ZNF385B: variants seen among roughly 807,000 people sequenced by gnomAD.
The protein encoded by ZNF385B is zinc finger protein 533.
In ZNF385B, 23 loss-of-function variants were observed where a neutral mutation model predicts 39.2. The ratio of observed to expected loss-of-function variants is 0.59; its 90% CI spans 0.42 to 0.83. The LOEUF (loss-of-function observed/expected upper bound fraction) is 0.83, where lower values mean the gene tolerates loss of function less well. Ranked by LOEUF, ZNF385B falls within the 40% of genes least tolerant of loss-of-function variation. The pLI is 0.00. For missense variants in ZNF385B, 552 were observed against 598.9 expected (o/e 0.92, Z 0.82); for synonymous variants, 205 against 222.6 (o/e 0.92, Z 0.70).
chr2:179,478,225 C>A (rs1406694964), intron 6 of ZNF385B, among the ~76,000 whole-genome samples: 3 of 152,156 alleles, frequency 2.0e-5, no homozygotes, highest in African/African-American at 7.2e-5. Flanking sequence ...CATATTATTT[C>A]TCTTTAAATC....
At chr2:179,479,825 C>T (rs1347287410) in intron 6 of ZNF385B, among the ~76,000 whole-genome samples, 2 of 151,926 alleles carry the variant, frequency 1.3e-5, no homozygotes, top group Non-Finnish European at 2.9e-5. Flanking sequence ...GGCAACAGAG[C>T]GAGACTCTGT....
chr2:179,580,421 A>G (rs1343355733), intron 3 of ZNF385B, among the ~76,000 whole-genome samples: 1 of 152,182 alleles, frequency 6.6e-6, no homozygotes, highest in Non-Finnish European at 1.5e-5. Context: ...GGGTATCATA[A>G]TAAATGAAAG....
chr2:179,509,494 T>C (rs1488476517), intron 5 of ZNF385B, among the ~76,000 whole-genome samples: 3 of 152,296 alleles, frequency 2.0e-5, no homozygotes, highest in Admixed American at 6.5e-5. Context: ...AATTCTGTCA[T>C]ATTGAAGCAA....
intron 1 of ZNF385B, among the ~76,000 whole-genome samples, chr2:179,852,451 G>A (rs1208123340): frequency 1.3e-5 from 2 of 152,120 alleles, no homozygotes; most frequent in Non-Finnish European, 2.9e-5. Flanking sequence ...GCCAAAAATC[G>A]CTGGCTCCAG....
intron 3 of ZNF385B, among the ~76,000 whole-genome samples, chr2:179,605,398 A>G (rs766232189): frequency 1.3e-5 from 2 of 152,164 alleles, no homozygotes; most frequent in Non-Finnish European, 2.9e-5. Context: ...AAAAAACTGA[A>G]AATTGTATTA....
chr2:179,748,974 C>G (rs1482368917), intron 3 of ZNF385B, among the ~76,000 whole-genome samples: 1 of 152,020 alleles, frequency 6.6e-6, no homozygotes, highest in Non-Finnish European at 1.5e-5. Context: ...ATGTGTGGCT[C>G]TTAGTATCTA....
intron 3 of ZNF385B, among the ~76,000 whole-genome samples, chr2:179,659,605 A>C (rs1436217948): frequency 6.6e-6 from 1 of 152,110 alleles, no homozygotes. Context: ...TTGTTCCACT[A>C]CTTGAAACTA....
Position 179,442,704 on chromosome 2 carries a change from T to A in ZNF385B, c.*546A>T, listed in dbSNP as rs780638159. 3.8e-5 allele frequency: 7 copies of A among 185,178 alleles called. No individual in the cohort carries two copies. The highest frequency in any genetic ancestry group is 5.7e-5 in the Non-Finnish European group (5 of 87,334). 11.5% of individuals were successfully genotyped at this position (185,178 alleles called of 1,614,324 possible). ...GTACTTGGGTCGAAACAGTACACAATCCCTGTCAACAACAGTACACCAAAA... is the reference window on the plus strand; with the variant it reads ...GTACTTGGGTCGAAACAGTACACAAACCCTGTCAACAACAGTACACCAAAA... On this transcript the variant is annotated 3_prime_UTR_variant, in exon 10 of 10. Transcript: ENST00000410066.
chr2:179,514,224 T>G (rs998720195), intron 5 of ZNF385B: 1 of 152,680 alleles, frequency 6.5e-6, no homozygotes, highest in Admixed American at 6.5e-5. Context: ...CCACATTCCT[T>G]GGCTTGCGGC....
chr2:179,523,070 A>G (rs1415111500), intron 4 of ZNF385B: 1 of 252,372 alleles, frequency 4.0e-6, no homozygotes, highest in Non-Finnish European at 8.6e-6. Flanking sequence ...AACACTTGCC[A>G]CTTTTTCTAA....
intron 3 of ZNF385B, among the ~76,000 whole-genome samples, chr2:179,642,944 C>G (rs1692398066): frequency 6.6e-6 from 1 of 152,064 alleles, no homozygotes; most frequent in Admixed American, 6.6e-5. Flanking sequence ...TCATGACTGT[C>G]TCAACAAAAA....
chr2:179,814,801 C>T (rs746964120), intron 1 of ZNF385B: 2 of 166,330 alleles, frequency 1.2e-5, no homozygotes, highest in Non-Finnish European at 1.3e-5. Context: ...ATACAATTTA[C>T]TACATGGCCT....
chr2:179,832,170 T>C (rs1708022385), intron 1 of ZNF385B, among the ~76,000 whole-genome samples: 1 of 152,126 alleles, frequency 6.6e-6, no homozygotes, highest in African/African-American at 2.4e-5. Flanking sequence ...TTTGCTATAT[T>C]TACAAAGGAA....
chr2:179,624,685 C>T (rs1490988492), intron 3 of ZNF385B, among the ~76,000 whole-genome samples: 1 of 152,184 alleles, frequency 6.6e-6, no homozygotes, highest in Non-Finnish European at 1.5e-5. Context: ...ACATTTGTTG[C>T]AGAATGGCTC....
chr2:179,521,776 T>C (rs573103278), intron 4 of ZNF385B, among the ~76,000 whole-genome samples: 36 of 152,338 alleles, frequency 2.4e-4, no homozygotes, highest in African/African-American at 7.0e-4. Flanking sequence ...ACAGCCCTTT[T>C]ACACTTTCTT....
At chr2:179,580,053 T>A (rs1686304680) in intron 3 of ZNF385B, among the ~76,000 whole-genome samples, 1 of 152,150 alleles carries the variant, frequency 6.6e-6, no homozygotes, top group Admixed American at 6.6e-5. Flanking sequence ...TAATCAACTA[T>A]TAGTCCTAAG....
At chr2:179,578,326 T>C (rs1686075634) in intron 3 of ZNF385B, among the ~76,000 whole-genome samples, 1 of 152,098 alleles carries the variant, frequency 6.6e-6, no homozygotes, top group Admixed American at 6.6e-5. Flanking sequence ...AAATGAGTTA[T>C]GTACAAGGTA....
rs530616596 is a variant in ZNF385B at position 179,784,290 on chromosome 2, G to A, written c.-154-13618C>T. Reference sequence around the variant, plus strand: ...ATAAGAACTTGTGAACACAAACAAGGAAACAGCAGACACTCGGGTCTACTT... The same window carrying A: ...ATAAGAACTTGTGAACACAAACAAGAAAACAGCAGACACTCGGGTCTACTT... On this transcript the variant is annotated intron_variant, in intron 1 of 9. Transcript: ENST00000410066. 5.3e-5 allele frequency among the ~76,000 whole-genome samples: 8 copies of A among 152,036 alleles called. 1 individual carries two copies. The highest frequency in any genetic ancestry group is 5.3e-4 in the Admixed American group (8 of 15,228).
At chr2:179,569,573 T>C (rs1445190379) in intron 3 of ZNF385B, among the ~76,000 whole-genome samples, 1 of 152,184 alleles carries the variant, frequency 6.6e-6, no homozygotes, top group African/African-American at 2.4e-5. Flanking sequence ...TATCTTAAAA[T>C]GACTTGAAAC....
Sources: allele counts gnomAD v4.1 joint callset (sites outside exome capture counted in the v4.1 genomes callset), GRCh38; gene constraint gnomAD v4.1.1; transcripts MANE v1.5; gene names NCBI Gene and HGNC (gene_info 2026-07-23, HGNC 2026-07-21).